Variants in TTC23 observed in about 807,000 individuals in gnomAD.
TTC23 encodes tetratricopeptide repeat domain 23.
Under a neutral mutation model 55.1 loss-of-function variants are expected in TTC23, and 58 were observed. That is an observed-to-expected ratio of 1.05 (90% CI 0.85 to 1.31). The LOEUF (loss-of-function observed/expected upper bound fraction) is 1.31, where lower values mean the gene tolerates loss of function less well. TTC23 is among the 50% of genes most tolerant of loss of function. The probability of loss-of-function intolerance (pLI) is 0.00; values close to 1 mark genes in which losing one functional copy is unlikely to be tolerated. For missense variants in TTC23, 516 were observed against 534.4 expected (o/e 0.97, Z 0.34); for synonymous variants, 203 against 199.9 (o/e 1.02, Z -0.13).
intron 9 of TTC23, among the ~76,000 whole-genome samples, chr15:99,186,649 A>C (rs1282207433): frequency 6.6e-6 from 1 of 152,186 alleles, no homozygotes; most frequent in Non-Finnish European, 1.5e-5. Flanking sequence ...AAAAAATCAT[A>C]TATTTCTATA....
At chr15:99,144,622 C>T (rs1394589715) in intron 12 of TTC23, 1 of 152,190 alleles carries the variant, frequency 6.6e-6, no homozygotes, top group Non-Finnish European at 1.5e-5. Context: ...GCAGCAAGGA[C>T]TGCAACTAGA....
chr15:99,194,662 G>A (rs183338563), intron 9 of TTC23, among the ~76,000 whole-genome samples: 6 of 151,668 alleles, frequency 4.0e-5, no homozygotes, highest in South Asian at 2.1e-4. Flanking sequence ...CTAGCTGAGC[G>A]CAGTGGCTCA....
intron 9 of TTC23, among the ~76,000 whole-genome samples, chr15:99,178,695 C>A (rs1020244258): frequency 1.3e-5 from 2 of 152,168 alleles, no homozygotes; most frequent in Non-Finnish European, 2.9e-5. Flanking sequence ...TCCTATCTAC[C>A]CTTACTCTTG....
chr15:99,228,449 G>T lies in TTC23; in HGVS notation c.180+84C>A. 4 of 1,264,978 alleles carry T rather than the reference G, an allele frequency of 3.2e-6. No individual in the cohort carries two copies. The South Asian group carries it at 7.2e-5, about 23-fold the overall frequency. The allele number at this position is 1,264,978 out of a possible 1,614,324, so 78.4% of individuals were successfully genotyped here. A position where few individuals can be genotyped will look rare whatever the true frequency, so the allele number is the denominator to read the frequency against. ...GTATCAAACTGCTGAGATTAGGAAT[G>T]TAATCCAAAACATTCTACTTCTCTT... is the stretch of plus-strand genomic sequence containing the variant. On this transcript the variant is annotated intron_variant, in intron 5 of 13. Transcript: ENST00000394132.
intron 4 of TTC23, among the ~76,000 whole-genome samples, chr15:99,230,165 T>C (rs1410646837): frequency 6.6e-6 from 1 of 152,176 alleles, no homozygotes; most frequent in Non-Finnish European, 1.5e-5. Flanking sequence ...TTGTATTCTA[T>C]ATGTTTAAAA....
At chr15:99,187,426 C>T (rs1451095526) in intron 9 of TTC23, among the ~76,000 whole-genome samples, 1 of 116,330 alleles carries the variant, frequency 8.6e-6, no homozygotes, top group Non-Finnish European at 1.6e-5. Flanking sequence ...GGAATGATTT[C>T]GGAGATGTGA....
At chr15:99,250,441 A>C (rs2080631696), upstream of TTC23, among the ~76,000 whole-genome samples, 1 of 152,228 alleles carries the variant, frequency 6.6e-6, no homozygotes. Context: ...ATAAAGTTAA[A>C]GTTCCTTGAC....
At chr15:99,235,591 C>T (rs1249531156) in intron 3 of TTC23, among the ~76,000 whole-genome samples, 1 of 152,122 alleles carries the variant, frequency 6.6e-6, no homozygotes, top group Non-Finnish European at 1.5e-5. Context: ...AGGATGGTCT[C>T]AATCTCCTGA....
intron 9 of TTC23, among the ~76,000 whole-genome samples, chr15:99,193,165 T>C (rs780937361): frequency 2.0e-5 from 3 of 152,198 alleles, no homozygotes; most frequent in Admixed American, 6.5e-5. Context: ...TGATAAGACT[T>C]TGGACCGTGG....
chr15:99,170,041 T>C (rs1184356646), intron 10 of TTC23, among the ~76,000 whole-genome samples: 7 of 152,174 alleles, frequency 4.6e-5, no homozygotes, highest in African/African-American at 1.7e-4. Context: ...GGAGATGAGT[T>C]ATAAACACAA....
chr15:99,149,009 G>C (rs1375097718), intron 12 of TTC23, among the ~76,000 whole-genome samples: 1 of 152,210 alleles, frequency 6.6e-6, no homozygotes. Context: ...CCACTGTTCA[G>C]TGGGTTCCTG....
At chr15:99,220,812 T>A (rs1032977625) in intron 6 of TTC23, among the ~76,000 whole-genome samples, 1 of 152,210 alleles carries the variant, frequency 6.6e-6, no homozygotes, top group Non-Finnish European at 1.5e-5. Flanking sequence ...CTCTTGTCCA[T>A]CTTGTCTTAG....
chr15:99,187,636 TCAA>T (rs2151960479), intron 9 of TTC23, among the ~76,000 whole-genome samples: 1 of 151,976 alleles, frequency 6.6e-6, no homozygotes, highest in East Asian at 1.9e-4. Context: ...CTATTATCAG[TCAA>T]CAATAAAAAG....
intron 11 of TTC23, chr15:99,160,961 T>A (rs2071287467): frequency 7.0e-6 from 1 of 142,050 alleles, no homozygotes; most frequent in Non-Finnish European, 1.5e-5. Context: ...TGCAGTGAGC[T>A]GAGATTGCAC....
At chr15:99,139,221 GAGA>G (rs2067920483) in intron 13 of TTC23, 93 bp downstream of exon 13, 1 of 1,464,292 alleles carries the variant, frequency 6.8e-7, no homozygotes. Flanking sequence ...AAACATTCCA[GAGA>G]AGGTTACACA....
chr15:99,186,413 C>G (rs1189764748), intron 9 of TTC23, among the ~76,000 whole-genome samples: 1 of 152,126 alleles, frequency 6.6e-6, no homozygotes, highest in Admixed American at 6.6e-5. Flanking sequence ...ACTCTCTAAT[C>G]TTTTTTAACC....
intron 10 of TTC23, among the ~76,000 whole-genome samples, chr15:99,168,022 G>A (rs1439368898): frequency 6.6e-6 from 1 of 152,180 alleles, no homozygotes; most frequent in Admixed American, 6.5e-5. Context: ...GCTTGTGGAG[G>A]CCACACGGGA....
chr15:99,138,095 G>A lies in TTC23; in HGVS notation c.1259C>T (p.Ala420Val), dbSNP rs1387564907. The change falls in exon 14 of 14, where the codon GCA becomes GTA. Residue 420 changes from alanine to valine, a missense_variant. Transcript: ENST00000394132. ...APKVASKPRQ[A>V]SKAKVAFCTS... ...GCAGAAGGCCACTTTGGCTTTTGATGCCTGCCTTGGCTTCGAAGCAACCTT... is the reference window on the plus strand; with the variant it reads ...GCAGAAGGCCACTTTGGCTTTTGATACCTGCCTTGGCTTCGAAGCAACCTT... 1.2e-6 allele frequency: 2 copies of A among 1,613,138 alleles called. No homozygotes were observed. Among genetic ancestry groups the A allele is most frequent in the Admixed American group, 1.7e-5 (1 of 59,992 alleles).
Position 99,161,747 on chromosome 15 carries a change from T to C in TTC23, c.986A>G (p.Gln329Arg). 1.9e-6 allele frequency: 3 copies of C among 1,611,176 alleles called. No homozygotes were observed. Among genetic ancestry groups the C allele is most frequent in the Non-Finnish European group, 2.5e-6 (3 of 1,179,222 alleles). ...EFCHFLQMTG[Q>R]KERATSILRE... ...TGATCCAAACTCACTTACCTCTTTT[T>C]GTCCAGTCATTTGTAGAAAATGGCA... The change falls in exon 11 of 14, where the codon CAA becomes CGA. Residue 329 changes from glutamine (Q) to arginine (R), a missense_variant. Coordinates refer to ENST00000394132, the MANE Select transcript of TTC23 (RefSeq NM_001288615.3).
Sources: gnomAD v4.1 joint callset for allele counts (sites outside exome capture counted in the v4.1 genomes callset) on GRCh38, gnomAD v4.1.1 for gene constraint, MANE v1.5 for transcripts, NCBI Gene and HGNC (gene_info 2026-07-23, HGNC 2026-07-21) for gene names.